The following ZNF568 variants were observed in gnomAD, a reference collection of about 807,000 sequenced individuals.
The protein encoded by ZNF568 is p53 inhibitor of SCO2 activation.
ZNF568 carries 11 observed loss-of-function variants against 18.1 expected under a neutral mutation model. That is an observed-to-expected ratio of 0.61 (90% CI 0.38 to 1.00). ZNF568 has a LOEUF of 1.00. ZNF568 is among the 50% of genes least tolerant of loss of function. The pLI, the probability that ZNF568 is intolerant of heterozygous loss-of-function variation, is 0.01. For synonymous variants in ZNF568, 213 were observed against 246.6 expected (o/e 0.86, Z 1.28); for missense variants, 639 against 768.2 (o/e 0.83, Z 1.99).
downstream of ZNF568, among the ~76,000 whole-genome samples, chr19:36,955,100 G>C (rs980467123): frequency 1.3e-5 from 2 of 151,744 alleles, no homozygotes; most frequent in Non-Finnish European, 2.9e-5. Context: ...GCTGGTCTGT[G>C]AGCCACCATG....
At chr19:36,974,952 G>A (rs1259351943) in intron 7 of ZNF568, among the ~76,000 whole-genome samples, 8 of 149,656 alleles carry the variant, frequency 5.3e-5, no homozygotes, top group Non-Finnish European at 1.0e-4. Context: ...TCAGCCTCCT[G>A]AGTAGCCGAG....
At chr19:36,992,011 G>A (rs1199800602) in intron 4 of ZNF568, among the ~76,000 whole-genome samples, 1 of 152,088 alleles carries the variant, frequency 6.6e-6, no homozygotes, top group East Asian at 1.9e-4. Context: ...GGGAGGCTGA[G>A]GCGGGCAGAT....
intron 4 of ZNF568, among the ~76,000 whole-genome samples, chr19:36,933,405 G>A (rs2073721882): frequency 7.9e-6 from 1 of 126,142 alleles, no homozygotes; most frequent in African/African-American, 3.3e-5. Context: ...TTGGATGTTG[G>A]GTTTTTTGGT....
chr19:36,928,016 G>A (rs1186627174), intron 4 of ZNF568, among the ~76,000 whole-genome samples: 1 of 144,744 alleles, frequency 6.9e-6, no homozygotes. Context: ...CCGGGTTTAA[G>A]TGATTCTCAT....
At chr19:36,953,628 A>T (rs1456265829), downstream of ZNF568, among the ~76,000 whole-genome samples, 1 of 152,200 alleles carries the variant, frequency 6.6e-6, no homozygotes, top group East Asian at 1.9e-4. Flanking sequence ...AAAAGGAGAT[A>T]GGGCCAGACG....
In ZNF568 at chr19:36,950,321, T is replaced by C; in HGVS notation, c.1168T>C (p.Tyr390His). ...GAGAAGTCACACAGGGGAGAAACCC[T>C]ATAAATGTAATAAATGTGGAAAAGC... is the stretch of plus-strand genomic sequence containing the variant. Reference protein sequence around the residue: ...HMRSHTGEKPYKCNKCGKAFS... With the variant: ...HMRSHTGEKPHKCNKCGKAFS... Residue 390 changes from tyrosine to histidine, a missense_variant, in exon 7 of 7, where the codon TAT becomes CAT. Transcript: ENST00000333987. The C allele has an allele frequency of 1.2e-6, 2 of 1,613,886 alleles. No homozygotes were observed. The highest frequency in any genetic ancestry group is 1.7e-6 in the Non-Finnish European group (2 of 1,179,840).
Position 36,951,076 on chromosome 19 carries a change from C to T in ZNF568, c.1923C>T (p.His641=), listed in dbSNP as rs1187976368. 2.0e-6 allele frequency: 3 copies of T among 1,529,814 alleles called. No homozygotes were observed. The Admixed American group carries it at 6.7e-5, about 34-fold the overall frequency. The allele number at this position is 1,529,814 out of a possible 1,614,324, so 94.8% of individuals were successfully genotyped here. A position where few individuals can be genotyped will look rare whatever the true frequency, so the allele number is the denominator to read the frequency against. ...IHKRGHTGER[H]QVY The stretch of plus-strand genomic sequence containing the variant: ...AGAGAGGTCATACAGGTGAGAGACA[C>T]CAAGTATATTAAATGAAAGAAGGCC... The change falls in exon 7 of 7, where the codon CAC becomes CAT. Residue 641 remains histidine (H), a synonymous_variant. Coordinates refer to ENST00000333987, the MANE Select transcript of ZNF568 (RefSeq NM_198539.4).
chr19:36,970,512 T>C (rs2074228163), intron 6 of ZNF568, among the ~76,000 whole-genome samples: 1 of 151,758 alleles, frequency 6.6e-6, no homozygotes, highest in African/African-American at 2.4e-5. Context: ...ATCCGGCTAA[T>C]CTTTGTAGAA....
intron 6 of ZNF568, among the ~76,000 whole-genome samples, chr19:36,960,585 T>C (rs1386547733): frequency 6.6e-6 from 1 of 151,908 alleles, no homozygotes; most frequent in African/African-American, 2.4e-5. Flanking sequence ...AAAAATTAGC[T>C]GGGGTGGTGG....
chr19:36,992,417 G>C (rs10413322), intron 4 of ZNF568, among the ~76,000 whole-genome samples: 81,163 of 151,468 alleles, frequency 0.54, 22,222 homozygotes, highest in African/African-American at 0.62. Flanking sequence ...CAGGAGAATT[G>C]CTTGATCCCA....
intron 4 of ZNF568, among the ~76,000 whole-genome samples, chr19:36,927,897 ATATATATTTTTTTTTTTTTTTTTT>A (rs1568381583): frequency 1.6e-4 from 4 of 24,718 alleles, no homozygotes; most frequent in African/African-American, 7.5e-4. Context: ...TTATATATAT[ATATATATTTTTTTTTTTTTTTTTT>A]TTTTTTTTTT....
chr19:36,924,430 G>A (rs2073512898), intron 3 of ZNF568, among the ~76,000 whole-genome samples: 1 of 151,532 alleles, frequency 6.6e-6, no homozygotes, highest in African/African-American at 2.4e-5. Flanking sequence ...TATTGGCCAA[G>A]CTGGTCTCGA....
chr19:36,952,207 C>A lies in ZNF568; in HGVS notation c.*1119C>A. On this transcript the variant is annotated 3_prime_UTR_variant, in exon 7 of 7. Transcript: ENST00000333987. ...CCTGTAATCCCAGCTACTTGGGAGG[C>A]TGATAGAAGAAGATAACTTGAGGTC... is the stretch of plus-strand genomic sequence containing the variant. 1 of 305,398 alleles carries A rather than the reference C, an allele frequency of 3.3e-6. No homozygotes were observed. Among genetic ancestry groups the A allele is most frequent in the Non-Finnish European group, 4.8e-6 (1 of 209,634 alleles). 18.9% of individuals were successfully genotyped at this position (305,398 alleles called of 1,614,324 possible). A position where few individuals can be genotyped will look rare whatever the true frequency, so the allele number is the denominator to read the frequency against.
intron 4 of ZNF568, among the ~76,000 whole-genome samples, chr19:36,926,955 A>G (rs1004548975): frequency 3.3e-5 from 5 of 152,214 alleles, no homozygotes; most frequent in African/African-American, 1.2e-4. Context: ...GAGGCTCATT[A>G]TGAGTGAAGA....
rs933751893 is a variant in ZNF568, at chr19:36,925,245, C to A, written c.122C>A (p.Thr41Lys). 6.2e-7 allele frequency: 1 copy of A among 1,613,962 alleles called. No individual in the cohort carries two copies. Among genetic ancestry groups the A allele is most frequent in the South Asian group, 1.1e-5 (1 of 91,080 alleles). Residue 41 changes from threonine to lysine, a missense_variant, in exon 4 of 7, where the codon ACA becomes AAA. Physicochemically the swap from Thr to Lys is moderately conservative, Grantham distance 78. Transcript: ENST00000333987. ...GCCCTTTCCGAGGAAGAAGAGGATA[C>A]AACCAGGCCTCTTGTACGTCTTAAG... ...ESALSEEEED[T>K]TRPLETVTFK...
intron 7 of ZNF568, among the ~76,000 whole-genome samples, chr19:36,976,825 G>A (rs1486679835): frequency 1.3e-5 from 2 of 152,116 alleles, no homozygotes; most frequent in Admixed American, 6.6e-5. Flanking sequence ...CAGGAGAATC[G>A]GCTGAACCTG....
intron 6 of ZNF568, among the ~76,000 whole-genome samples, chr19:36,941,922 T>A (rs191730705): frequency 4.1e-4 from 61 of 148,078 alleles, no homozygotes; most frequent in Admixed American, 1.1e-3. Flanking sequence ...TGACTTTTTT[T>A]AACTATCTCT....
intron 6 of ZNF568, among the ~76,000 whole-genome samples, chr19:36,939,092 A>G (rs2073836553): frequency 6.6e-6 from 1 of 152,196 alleles, no homozygotes; most frequent in African/African-American, 2.4e-5. Context: ...CCTTTATCAT[A>G]CAAGGTTTTG....
intron 3 of ZNF568, 41 bp downstream of exon 3, chr19:36,922,887 G>T: frequency 6.3e-7 from 1 of 1,587,922 alleles, no homozygotes. Flanking sequence ...GGAGAGAAAG[G>T]CTCTACATTT....
Sources: allele counts gnomAD v4.1 joint callset (sites outside exome capture counted in the v4.1 genomes callset), GRCh38; gene constraint gnomAD v4.1.1; transcripts MANE v1.5; gene names NCBI Gene and HGNC (gene_info 2026-07-23, HGNC 2026-07-21).